Variants in ATP9A observed in about 807,000 individuals in gnomAD.
ATP9A encodes the protein probable phospholipid-transporting ATPase IIA.
In ATP9A, 52 loss-of-function variants were observed where a neutral mutation model predicts 144.1. That is an observed-to-expected ratio of 0.36 (90% CI 0.29 to 0.45). The LOEUF (loss-of-function observed/expected upper bound fraction) is 0.45, where lower values mean the gene tolerates loss of function less well. Ranked by LOEUF, ATP9A falls within the 20% of genes least tolerant of loss-of-function variation. The pLI, the probability that ATP9A is intolerant of heterozygous loss-of-function variation, is 1.00. For synonymous variants in ATP9A, 582 were observed against 557.4 expected (o/e 1.04, Z -0.62); for missense variants, 947 against 1,392.7 (o/e 0.68, Z 5.09).
intron 1 of ATP9A, among the ~76,000 whole-genome samples, chr20:51,753,487 C>CAAAAAA (rs112099298): frequency 1.4e-5 from 2 of 147,256 alleles, no homozygotes; most frequent in Non-Finnish European, 1.5e-5. Flanking sequence ...ACAACAACAA[C>CAAAAAA]AAACCCACGT....
At chr20:51,665,701 G>A (rs907903628) in intron 13 of ATP9A, among the ~76,000 whole-genome samples, 2 of 151,808 alleles carry the variant, frequency 1.3e-5, no homozygotes, top group Admixed American at 1.3e-4. Flanking sequence ...TCCAGGATGG[G>A]GCGACAGAGT....
At chr20:51,736,002 C>T (rs1333599281) in intron 1 of ATP9A, among the ~76,000 whole-genome samples, 3 of 152,100 alleles carry the variant, frequency 2.0e-5, no homozygotes, top group African/African-American at 7.2e-5. Flanking sequence ...AGGCCAGGGG[C>T]CAGAGAGTGA....
At chr20:51,708,612 G>A (rs545220616) in intron 4 of ATP9A, among the ~76,000 whole-genome samples, 8 of 152,270 alleles carry the variant, frequency 5.3e-5, no homozygotes, top group Admixed American at 1.3e-4. Context: ...GCGCACACCC[G>A]TAATCCCAGC....
At chr20:51,666,500 G>A (rs1361492708) in intron 13 of ATP9A, among the ~76,000 whole-genome samples, 1 of 152,056 alleles carries the variant, frequency 6.6e-6, no homozygotes, top group Non-Finnish European at 1.5e-5. Flanking sequence ...GGCCAACATG[G>A]TGAAACCCCG....
chr20:51,631,343 T>C (rs1047044192), intron 15 of ATP9A, among the ~76,000 whole-genome samples: 7 of 152,210 alleles, frequency 4.6e-5, no homozygotes, highest in East Asian at 1.9e-4. Context: ...ATGCCTGCTC[T>C]TGACGCAGGC....
chr20:51,677,723 A>G (rs1279634338), intron 9 of ATP9A, among the ~76,000 whole-genome samples: 1 of 151,924 alleles, frequency 6.6e-6, no homozygotes, highest in Non-Finnish European at 1.5e-5. Flanking sequence ...TTTCCTAAGA[A>G]CTCCCCCACC....
chr20:51,659,015 C>A (rs1176972771), intron 13 of ATP9A, among the ~76,000 whole-genome samples: 1 of 151,958 alleles, frequency 6.6e-6, no homozygotes, highest in Non-Finnish European at 1.5e-5. Flanking sequence ...TCCAGCCATG[C>A]TGGCCTTTCT....
At chr20:51,753,803 A>G (rs982493986) in intron 1 of ATP9A, among the ~76,000 whole-genome samples, 2 of 150,030 alleles carry the variant, frequency 1.3e-5, no homozygotes, top group Non-Finnish European at 3.0e-5. Context: ...AGTAGCTGGG[A>G]TTACAGGCAT....
At chr20:51,719,243 G>A (rs954043288) in intron 3 of ATP9A, among the ~76,000 whole-genome samples, 2 of 152,066 alleles carry the variant, frequency 1.3e-5, no homozygotes, top group African/African-American at 4.8e-5. Flanking sequence ...TAATATGAAA[G>A]TCCCTCACCT....
chr20:51,695,952 G>A (rs185407290), intron 6 of ATP9A, 141 bp downstream of exon 6: 8 of 705,136 alleles, frequency 1.1e-5, no homozygotes, highest in Admixed American at 2.6e-5. Context: ...TAAAAAGCAC[G>A]GTCTATTTAA....
intron 17 of ATP9A, among the ~76,000 whole-genome samples, chr20:51,626,018 C>T (rs965609764): frequency 5.3e-5 from 8 of 152,238 alleles, no homozygotes; most frequent in Admixed American, 1.3e-4. Flanking sequence ...CAGGGCCCCA[C>T]GAAGCGTGTC....
chr20:51,602,998 G>A (rs2077149063), intron 27 of ATP9A, among the ~76,000 whole-genome samples: 1 of 152,176 alleles, frequency 6.6e-6, no homozygotes, highest in Admixed American at 6.5e-5. Flanking sequence ...AGGTAAAGGA[G>A]CAAGGGATGG....
At chr20:51,610,617 C>G (rs1262866026) in intron 23 of ATP9A, among the ~76,000 whole-genome samples, 1 of 152,134 alleles carries the variant, frequency 6.6e-6, no homozygotes, top group Non-Finnish European at 1.5e-5. Context: ...GGAGGCTGAG[C>G]AGGTAAACAG....
intron 1 of ATP9A, among the ~76,000 whole-genome samples, chr20:51,743,389 G>A (rs1019618008): frequency 6.4e-4 from 66 of 102,684 alleles, no homozygotes; most frequent in Non-Finnish European, 1.2e-3. Flanking sequence ...CTGCAAGACC[G>A]AAACTGATTT....
rs10578719 is a variant in ATP9A at position 51,702,365 on chromosome 20, C to CGTGTGTGTGTGTGTGTGT, written c.437-4901_437-4884dup. Among the ~76,000 whole-genome samples, 6 of 130,306 alleles carry CGTGTGTGTGTGTGTGTGT rather than the reference C, an allele frequency of 4.6e-5. No individual in the cohort carries two copies. In the East Asian group the frequency reaches 6.5e-4, roughly 14 times the overall value. 85.5% of individuals were successfully genotyped at this position (130,306 alleles called of 152,430 possible). ...CTTCATGCTTCATGGTGTGTGTGTT[C>CGTGTGTGTGTGTGTGTGT]GTGTGTGTGTGTGTGTGTGTGTGTG... On this transcript the variant is annotated intron_variant, in intron 4 of 27. Coordinates refer to ENST00000338821, the MANE Select transcript of ATP9A (RefSeq NM_006045.3).
intron 13 of ATP9A, among the ~76,000 whole-genome samples, chr20:51,666,042 C>G (rs2077431536): frequency 6.6e-6 from 1 of 152,180 alleles, no homozygotes; most frequent in Non-Finnish European, 1.5e-5. Context: ...AGGACCGGAC[C>G]TGACAAGTAC....
In ATP9A at chr20:51,722,111, A is replaced by G. The variant is rs111674254; in HGVS notation, c.327+3708T>C. Among the ~76,000 whole-genome samples, 1,103 of 152,274 alleles carry G rather than the reference A, an allele frequency of 7.2e-3. 9 individuals carry two copies. The highest frequency in any genetic ancestry group is 0.025 in the African/African-American group (1,027 of 41,562). On this transcript the variant is annotated intron_variant, in intron 3 of 27. Transcript: ENST00000338821. ...GGGGAAAGGACACCCTTTTCAACAA[A>G]TGGTGCTGGGATAACTGGCTAGCCA... is the stretch of plus-strand genomic sequence containing the variant.
At position 51,622,135 on chromosome 20, in the gene ATP9A, G is replaced by A. The variant is rs747893938; in HGVS notation, c.2054C>T (p.Thr685Met). Residue 685 changes from threonine to methionine, a missense_variant, in exon 19 of 28, where the codon ACG (threonine) becomes ATG (methionine). Thr to Met is a moderately conservative substitution (Grantham distance 81, BLOSUM62 -1). Around this residue, in one of 2 missense-constraint regions of ATP9A, gnomAD observed 770 missense variants for 1,047.9 expected, o/e 0.73. Coordinates refer to ENST00000338821, the MANE Select transcript of ATP9A (RefSeq NM_006045.3). ...MLTGDKLETA[T>M]CTAKNAHLVT... ...CAGATGTGCATTCTTCGCTGTGCAC[G>A]TAGCTGTCTCCAGCTTGTCCCCTGT... The A allele has an allele frequency of 1.5e-5, 25 of 1,614,134 alleles. No homozygotes were observed. Among genetic ancestry groups the A allele is most frequent in the Non-Finnish European group, 1.9e-5 (22 of 1,180,012 alleles).
rs2077208274 is a variant in ATP9A at position 51,617,537 on chromosome 20, C to T, written c.2368G>A (p.Val790Ile). Residue 790 changes from valine (V) to isoleucine (I), a missense_variant, in exon 22 of 28, where the codon GTC becomes ATC. Transcript: ENST00000338821. Reference sequence around the variant, plus strand: ...CAGTCAGATTCCTGAATCATGCTGACGTCATTGCCTCCGTCCCCTGCGAGC... The same window carrying T: ...CAGTCAGATTCCTGAATCATGCTGATGTCATTGCCTCCGTCCCCTGCGAGC... Reference protein sequence around the residue: ...TCAVGDGGNDVSMIQESDCGV... With the variant: ...TCAVGDGGNDISMIQESDCGV... The T allele has an allele frequency of 2.5e-6, 4 of 1,611,840 alleles. No homozygotes were observed. Among genetic ancestry groups the T allele is most frequent in the Admixed American group, 3.3e-5 (2 of 59,776 alleles).
Sources: allele counts gnomAD v4.1 joint callset (sites outside exome capture counted in the v4.1 genomes callset), GRCh38; gene constraint gnomAD v4.1.1; regional missense constraint gnomAD v4.1.1; transcripts MANE v1.5; gene names NCBI Gene and HGNC (gene_info 2026-07-23, HGNC 2026-07-21).